Variants in PSG6 observed in about 807,000 individuals in gnomAD.
PSG6 encodes the protein pregnancy specific beta-1-glycoprotein 6.
PSG6 carries 51 observed loss-of-function variants against 43.3 expected under a neutral mutation model. The observed-to-expected ratio is 1.18, with a 90% CI of 0.94 to 1.49. The LOEUF is 1.49. PSG6 is among the 40% of genes most tolerant of loss of function. The probability of loss-of-function intolerance (pLI) is 0.00; values close to 1 mark genes in which losing one functional copy is unlikely to be tolerated. For synonymous variants in PSG6, 292 were observed against 197.6 expected (o/e 1.48, Z -4.01); for missense variants, 770 against 522.2 (o/e 1.47, Z -4.62).
At position 42,914,478 on chromosome 19, in the gene PSG6, A is replaced by C. The variant is rs1177216712; in HGVS notation, c.427+1647T>G. Among the ~76,000 whole-genome samples the C allele has an allele frequency of 4.9e-5, 7 of 144,020 alleles. 1 individual carries two copies. The East Asian group carries it at 1.6e-3, about 33-fold the overall frequency. The allele number at this position is 144,020 out of a possible 152,430, so 94.5% of individuals were successfully genotyped here. ...ACACCATGGCAGTGAGCAGTGAGGG[A>C]GACACTGACTTCAAAAACCCCAGGG... On this transcript the variant is annotated intron_variant, in intron 2 of 5. Transcript: ENST00000187910.
intron 2 of PSG6, among the ~76,000 whole-genome samples, chr19:42,913,894 G>A (rs1258855201): frequency 6.6e-6 from 1 of 151,494 alleles, no homozygotes; most frequent in Non-Finnish European, 1.5e-5. Context: ...CTGTGCCCCT[G>A]AAACTATCCT....
At chr19:42,915,149 C>T (rs1485178253) in intron 2 of PSG6, among the ~76,000 whole-genome samples, 2 of 151,460 alleles carry the variant, frequency 1.3e-5, no homozygotes, top group African/African-American at 2.4e-5. Flanking sequence ...TCATGTGACC[C>T]CGATCTCCCC....
intron 1 of PSG6, among the ~76,000 whole-genome samples, chr19:42,916,702 C>G (rs892906252): frequency 6.6e-5 from 10 of 150,522 alleles, no homozygotes; most frequent in Non-Finnish European, 1.3e-4. Context: ...GCAGCATGAC[C>G]CCCATTCCTT....
chr19:42,913,026 T>C (rs1037340165), intron 2 of PSG6, among the ~76,000 whole-genome samples: 13 of 151,734 alleles, frequency 8.6e-5, no homozygotes, highest in Non-Finnish European at 1.2e-4. Flanking sequence ...TTCCGCTTTT[T>C]TTCCCCACTC....
chr19:42,902,845 T>A (rs548059526), intron 5 of PSG6, among the ~76,000 whole-genome samples: 1 of 151,730 alleles, frequency 6.6e-6, no homozygotes, highest in South Asian at 2.1e-4. Context: ...CTTAGCTTTT[T>A]TTCTTTCTCT....
rs199934948 is a variant in PSG6, at chr19:42,917,832, C to T, written c.-40G>A. 1.1e-4 allele frequency: 173 copies of T among 1,596,066 alleles called. 5 individuals carry two copies. The Middle Eastern group carries it at 3.2e-3, about 29-fold the overall frequency. On this transcript the variant is annotated 5_prime_UTR_variant, in exon 1 of 6. Transcript: ENST00000187910. The stretch of plus-strand genomic sequence containing the variant: ...GTGTGTTCTCCCCTGTGGAGATGAG[C>T]CTAGGATCCAGAGACTTCCTGAGCA...
At chr19:42,907,879 C>T (rs755234447) in intron 3 of PSG6, 25 bp from the exon 4 acceptor site, 2 of 1,607,322 alleles carry the variant, frequency 1.2e-6, no homozygotes, top group Admixed American at 1.7e-5. Context: ...GAAGATTGTC[C>T]TGTGTGGCAC....
chr19:42,905,136 G>C (rs1315051697), intron 5 of PSG6, among the ~76,000 whole-genome samples: 3 of 151,516 alleles, frequency 2.0e-5, no homozygotes, highest in African/African-American at 7.3e-5. Context: ...ACCCACAATA[G>C]ATCAAAGATC....
At chr19:42,906,600 C>T (rs559281239) in intron 5 of PSG6, 7 of 1,346,892 alleles carry the variant, frequency 5.2e-6, no homozygotes, top group Admixed American at 3.0e-5. Flanking sequence ...GGGATGTGTT[C>T]GTGACAGCGA....
In PSG6 at chr19:42,916,171, G is replaced by T; in HGVS notation, c.381C>A (p.Gly127=). Reference sequence around the variant, plus strand: ...ATCCAGTTACTCCTCCAGTCCCATCGCCTCGCTTTATGATGTGTAAGGTGT... The same window carrying T: ...ATCCAGTTACTCCTCCAGTCCCATCTCCTCGCTTTATGATGTGTAAGGTGT... The part of the protein sequence containing the change: ...GSYTLHIIKR[G]DGTGGVTGYF... Residue 127 remains glycine (G), a synonymous_variant, in exon 2 of 6, where the codon GGC becomes GGA. Coordinates refer to ENST00000187910, the MANE Select transcript of PSG6 (RefSeq NM_001031850.4). 1.9e-6 allele frequency: 3 copies of T among 1,611,982 alleles called. No homozygotes were observed. The highest frequency in any genetic ancestry group is 1.7e-6 in the Non-Finnish European group (2 of 1,179,010).
At chr19:42,907,300 T>C (rs1972133408) in intron 4 of PSG6, 124 bp from the exon 5 acceptor site, 5 of 1,493,034 alleles carry the variant, frequency 3.3e-6, no homozygotes, top group South Asian at 1.4e-5. Context: ...CCAAATCCCA[T>C]CTATGTTTAC....
rs1054549643 is a variant in PSG6 at position 42,910,707 on chromosome 19, C to T, written c.579G>A (p.Gln193=). The change falls in exon 3 of 6, where the codon CAG becomes CAA. Residue 193 remains glutamine, a synonymous_variant. Coordinates refer to ENST00000187910, the MANE Select transcript of PSG6 (RefSeq NM_001031850.4). ...GQNLPMTHRL[Q]LSKTNRTLYL... is the part of the protein sequence containing the mutation. The stretch of plus-strand genomic sequence containing the variant: ...AGAGGGTCCTGTTGGTTTTGGACAG[C>T]TGCAACCTGTGAGTCATAGGGAGGT... 1.2e-6 allele frequency: 2 copies of T among 1,612,386 alleles called. No individual in the cohort carries two copies. The highest frequency in any genetic ancestry group is 4.5e-5 in the East Asian group (2 of 44,782).
In PSG6 at chr19:42,907,703, C is replaced by T; in HGVS notation, c.858G>A (p.Lys286=). 6.2e-7 allele frequency: 1 copy of T among 1,610,898 alleles called. No individual in the cohort carries two copies. The highest frequency in any genetic ancestry group is 1.1e-5 in the South Asian group (1 of 90,772). The change falls in exon 4 of 6, where the codon AAG becomes AAA. Residue 286 remains lysine, a synonymous_variant. Coordinates refer to ENST00000187910, the MANE Select transcript of PSG6 (RefSeq NM_001031850.4). ...TGAGTATCCTGTTTTCAATGGGTCG[C>T]TTTACCCTCGGACTGACCGGGAGGC... is the stretch of plus-strand genomic sequence containing the variant. ...GQSLPVSPRV[K]RPIENRILIL... is the part of the protein sequence containing the mutation.
chr19:42,910,410 A>T (rs1353234728), intron 3 of PSG6, 170 bp downstream of exon 3: 1 of 1,536,146 alleles, frequency 6.5e-7, no homozygotes, highest in Admixed American at 1.7e-5. Context: ...CTTATTGTTG[A>T]TCAAGCCTAG....
At chr19:42,903,587 T>C (rs1367169271) in intron 5 of PSG6, 2 of 1,401,060 alleles carry the variant, frequency 1.4e-6, no homozygotes, top group Non-Finnish European at 1.9e-6. Context: ...ATAAAATTAC[T>C]CAAATCATAA....
rs572878176 is a variant in PSG6 at position 42,907,011 on chromosome 19, G to C, written c.1151C>G (p.Thr384Ser). The change falls in exon 5 of 6, where the codon ACT (threonine) becomes AGT (serine). Residue 384 changes from threonine (T) to serine (S), a missense_variant. Transcript: ENST00000187910. The part of the protein sequence containing the change: ...SGQKLFIPQI[T>S]TNHSGLYACS... ...AGCATAGAGCCCGCTATGATTTGTAGTAATTTGGGGGATAAAGAGCTTTTG... is the reference window on the plus strand; with the variant it reads ...AGCATAGAGCCCGCTATGATTTGTACTAATTTGGGGGATAAAGAGCTTTTG... 4.3e-6 allele frequency: 7 copies of C among 1,612,520 alleles called. No individual in the cohort carries two copies. The highest frequency in any genetic ancestry group is 2.2e-5 in the East Asian group (1 of 44,802).
At chr19:42,914,189 T>TCA (rs1421490724) in intron 2 of PSG6, among the ~76,000 whole-genome samples, 1 of 151,154 alleles carries the variant, frequency 6.6e-6, no homozygotes, top group Non-Finnish European at 1.5e-5. Context: ...CAGTGGAAGG[T>TCA]TTCTCTTAGT....
intron 2 of PSG6, among the ~76,000 whole-genome samples, chr19:42,915,151 G>A (rs1279961537): frequency 2.0e-5 from 3 of 151,476 alleles, no homozygotes; most frequent in African/African-American, 4.8e-5. Context: ...ATGTGACCCC[G>A]ATCTCCCCTT....
At chr19:42,904,252 C>T (rs534110583) in intron 5 of PSG6, among the ~76,000 whole-genome samples, 3 of 151,658 alleles carry the variant, frequency 2.0e-5, no homozygotes, top group African/African-American at 4.8e-5. Context: ...GACAAGGATG[C>T]CTGCTATTGA....
Sources: gnomAD v4.1 joint callset for allele counts (sites outside exome capture counted in the v4.1 genomes callset) on GRCh38, gnomAD v4.1.1 for gene constraint, MANE v1.5 for transcripts, NCBI Gene and HGNC (gene_info 2026-07-23, HGNC 2026-07-21) for gene names.